The following CSMD1 variants were observed in gnomAD, a reference collection of about 807,000 sequenced individuals.
CSMD1 encodes CUB and Sushi multiple domains 1.
Under a neutral mutation model 417.5 loss-of-function variants are expected in CSMD1, and 213 were observed. The ratio of observed to expected loss-of-function variants is 0.51; its 90% CI spans 0.46 to 0.57. CSMD1 has a LOEUF of 0.57. CSMD1 is among the 20% of genes least tolerant of loss of function. The pLI, the probability that CSMD1 is intolerant of heterozygous loss-of-function variation, is 0.00. For missense variants in CSMD1, 6,923 were observed against 4,529.7 expected, an observed-to-expected ratio of 1.53 and a Z score of -15.17; for synonymous variants, 2,862 against 1,736.8, an observed-to-expected ratio of 1.65 and a Z score of -16.11.
At chr8:3,545,935 G>A (rs1798640311) in intron 10 of CSMD1, among the ~76,000 whole-genome samples, 1 of 152,150 alleles carries the variant, frequency 6.6e-6, no homozygotes, top group Non-Finnish European at 1.5e-5. Flanking sequence ...CTAGGACAGG[G>A]TGCAGTGGGA....
At position 3,000,042 on chromosome 8, in the gene CSMD1, T is replaced by C. The variant is rs201904144; in HGVS notation, c.8119A>G (p.Asn2707Asp). Residue 2707 changes from asparagine to aspartate, a missense_variant, in exon 53 of 70, where the codon AAT (asparagine) becomes GAT (aspartate). By Grantham distance (23) the Asn-to-Asp change is conservative (BLOSUM62 1). Coordinates refer to ENST00000635120, the MANE Select transcript of CSMD1 (RefSeq NM_033225.6). ...SYRDTVVYQC[N>D]PGFRLVGTSV... is the part of the protein sequence containing the mutation. ...GTTCCCACAAGCCGGAAACCAGGAT[T>C]GCACTGGTAAACCACCGTGTCTCTG... 122 of 1,605,660 alleles carry C rather than the reference T, an allele frequency of 7.6e-5. 2 individuals carry two copies. Among genetic ancestry groups the C allele is most frequent in the South Asian group, 5.4e-4 (49 of 90,040 alleles).
intron 18 of CSMD1, among the ~76,000 whole-genome samples, chr8:3,374,083 G>C (rs916408162): frequency 1.3e-5 from 2 of 151,468 alleles, no homozygotes; most frequent in Admixed American, 6.6e-5. Context: ...CTCCTCAATA[G>C]CTGGGATTAC....
chr8:3,107,687 A>T (rs1531351), intron 45 of CSMD1, 31 bp downstream of exon 45: 1 of 1,298,870 alleles, frequency 7.7e-7, no homozygotes, highest in Non-Finnish European at 1.1e-6. Flanking sequence ...GTCGTGCTGA[A>T]TTCATGGTAT....
chr8:3,662,073 T>C (rs117043060), intron 7 of CSMD1, among the ~76,000 whole-genome samples: 1,845 of 152,234 alleles, frequency 0.012, 29 homozygotes, highest in Non-Finnish European at 0.015. Context: ...AGTAGTTGTG[T>C]AGAAACAGAG....
At chr8:4,362,120 T>G (rs978461621) in intron 3 of CSMD1, among the ~76,000 whole-genome samples, 1 of 152,190 alleles carries the variant, frequency 6.6e-6, no homozygotes, top group Non-Finnish European at 1.5e-5. Context: ...CAAATCCAAG[T>G]ACTTTATAAA....
At chr8:3,102,449 G>A (rs1483152554) in intron 46 of CSMD1, among the ~76,000 whole-genome samples, 4 of 152,170 alleles carry the variant, frequency 2.6e-5, no homozygotes, top group African/African-American at 4.8e-5. Flanking sequence ...AAACTTCAGC[G>A]TGAGTAAAAG....
intron 1 of CSMD1, among the ~76,000 whole-genome samples, chr8:4,668,284 C>A (rs1444537024): frequency 2.0e-5 from 3 of 151,952 alleles, no homozygotes; most frequent in South Asian, 2.1e-4. Context: ...CGTTTGTAGG[C>A]TTTTCCATTT....
intron 1 of CSMD1, among the ~76,000 whole-genome samples, chr8:4,906,885 A>G (rs1418609955): frequency 6.6e-6 from 1 of 152,144 alleles, no homozygotes; most frequent in African/African-American, 2.4e-5. Context: ...AAGTACCTTT[A>G]GTTTCACAAT....
In CSMD1 at chr8:4,622,450, G is replaced by A. The variant is rs147442544; in HGVS notation, c.302+14892C>T. 4.1e-3 allele frequency among the ~76,000 whole-genome samples: 618 copies of A among 152,220 alleles called. 9 individuals are homozygous for A. In the Middle Eastern group the frequency reaches 0.054, roughly 13 times the overall value. On this transcript the variant is annotated intron_variant, in intron 2 of 69. Transcript: ENST00000635120. ...AAAACTATGGAGATGATTGTCACTG[G>A]ATACCCTGCACAATGCTGACTGGCA... is the stretch of plus-strand genomic sequence containing the variant.
At position 3,918,968 on chromosome 8, in the gene CSMD1, T is replaced by A. The variant is rs189624823; in HGVS notation, c.818+78935A>T. Among the ~76,000 whole-genome samples the A allele has an allele frequency of 2.3e-3, 347 of 151,918 alleles. 2 individuals carry two copies. Among genetic ancestry groups the A allele is most frequent in the African/African-American group, 7.7e-3 (319 of 41,462 alleles). ...GATGGGTACATCAAAATCTCACAAA[T>A]CACCACTAAAAAACTTATTCATGTA... is the stretch of plus-strand genomic sequence containing the variant. On this transcript the variant is annotated intron_variant, in intron 5 of 69. Coordinates refer to ENST00000635120, the MANE Select transcript of CSMD1 (RefSeq NM_033225.6).
At chr8:3,556,107 C>A (rs1489364643) in intron 10 of CSMD1, among the ~76,000 whole-genome samples, 2 of 152,026 alleles carry the variant, frequency 1.3e-5, no homozygotes, top group Non-Finnish European at 2.9e-5. Context: ...ACATAAGACT[C>A]CTCACAAAAC....
intron 2 of CSMD1, among the ~76,000 whole-genome samples, chr8:4,520,968 A>C (rs942645210): frequency 6.6e-6 from 1 of 152,144 alleles, no homozygotes; most frequent in East Asian, 1.9e-4. Context: ...TCTGCTGCTC[A>C]TTTGGAATTA....
chr8:4,670,282 C>T (rs2130944852), intron 1 of CSMD1, among the ~76,000 whole-genome samples: 1 of 152,212 alleles, frequency 6.6e-6, no homozygotes, highest in East Asian at 1.9e-4. Flanking sequence ...CTCTCATTTG[C>T]CTCTTTTGAT....
chr8:3,281,640 A>T (rs11136596), intron 26 of CSMD1, among the ~76,000 whole-genome samples: 1 of 152,026 alleles, frequency 6.6e-6, no homozygotes. Flanking sequence ...AAAACTATGG[A>T]GACAGTGAAA....
chr8:4,779,798 C>G (rs1246809664), intron 1 of CSMD1, among the ~76,000 whole-genome samples: 3 of 152,128 alleles, frequency 2.0e-5, no homozygotes, highest in Non-Finnish European at 4.4e-5. Context: ...AATGACGACC[C>G]AGGGGATTCC....
rs184189544 is a variant in CSMD1, at chr8:3,813,015, T to C, written c.819-58973A>G. ...TGGAATTAACTCTTAGATTACTTAATGGTATATTGTGACAGCATTTAAAAA... is the reference window on the plus strand; with the variant it reads ...TGGAATTAACTCTTAGATTACTTAACGGTATATTGTGACAGCATTTAAAAA... On this transcript the variant is annotated intron_variant, in intron 5 of 69. Transcript: ENST00000635120. Among the ~76,000 whole-genome samples, 40 of 152,084 alleles carry C rather than the reference T, an allele frequency of 2.6e-4. 1 individual carries two copies. Among genetic ancestry groups the C allele is most frequent in the Middle Eastern group, 3.4e-3 (1 of 292 alleles).
intron 5 of CSMD1, among the ~76,000 whole-genome samples, chr8:3,813,821 G>A (rs1479858356): frequency 6.6e-6 from 1 of 152,090 alleles, no homozygotes; most frequent in African/African-American, 2.4e-5. Context: ...CTTAAAGTAT[G>A]TCTTCTTGAA....
At chr8:4,640,288 G>T (rs539421637) in intron 1 of CSMD1, among the ~76,000 whole-genome samples, 59 of 152,272 alleles carry the variant, frequency 3.9e-4, no homozygotes, top group African/African-American at 1.3e-3. Context: ...ATCATCGTTG[G>T]CTGTCCAGTG....
At chr8:3,951,023 A>G (rs544823113) in intron 5 of CSMD1, among the ~76,000 whole-genome samples, 138 of 152,354 alleles carry the variant, frequency 9.1e-4, no homozygotes, top group African/African-American at 3.2e-3. Flanking sequence ...CTGATCTACA[A>G]AAGTCACTTT....
Sources: allele counts gnomAD v4.1 joint callset (sites outside exome capture counted in the v4.1 genomes callset), GRCh38; gene constraint gnomAD v4.1.1; transcripts MANE v1.5; gene names NCBI Gene and HGNC (gene_info 2026-07-23, HGNC 2026-07-21).